The following MYL9 variants were observed in gnomAD, a reference collection of about 807,000 sequenced individuals.
The protein encoded by MYL9 is myosin light chain 9.
A neutral mutation model predicts 12.8 loss-of-function variants in MYL9; 7 were observed. That is an observed-to-expected ratio of 0.55 (90% CI 0.31 to 1.03). MYL9 has a LOEUF of 1.03. Among genes scored for constraint, MYL9 ranks in the 50% least tolerant of loss-of-function variants. MYL9 has a pLI of 0.05. For synonymous variants in MYL9, 81 were observed against 87.8 expected, an observed-to-expected ratio of 0.92 and a Z score of 0.43; for missense variants, 190 against 242.7, an observed-to-expected ratio of 0.78 and a Z score of 1.44.
At chr20:36,541,673 C>G (rs923068393) in intron 1 of MYL9, 112 bp downstream of exon 1, 3 of 152,516 alleles carry the variant, frequency 2.0e-5, no homozygotes, top group East Asian at 1.9e-4. Flanking sequence ...GCGGGCCCCA[C>G]GGACTGGGAC....
In MYL9 at chr20:36,544,852, C is replaced by CAA; in HGVS notation, c.-26-7_-26-6insAA. ...CAGGGCCACCCAACCCCCACCCCTTCCTGCAGGGAAGCCCCACCCACCAGA... is the reference window on the plus strand; with the variant it reads ...CAGGGCCACCCAACCCCCACCCCTTCAACTGCAGGGAAGCCCCACCCACCAGA... On this transcript the variant is annotated splice_region_variant and splice_polypyrimidine_tract_variant and intron_variant, in intron 1 of 3. Coordinates refer to ENST00000279022, the MANE Select transcript of MYL9 (RefSeq NM_006097.5). The CAA allele has an allele frequency of 6.9e-7, 1 of 1,448,716 alleles. No homozygotes were observed. The highest frequency in any genetic ancestry group is 9.5e-7 in the Non-Finnish European group (1 of 1,050,694). The allele number at this position is 1,448,716 out of a possible 1,614,324, so 89.7% of individuals were successfully genotyped here.
rs1235993233 is a variant in MYL9, at chr20:36,549,358, G to A, written c.*109G>A. 3 of 1,013,454 alleles carry A rather than the reference G, an allele frequency of 3.0e-6. No individual in the cohort carries two copies. Among genetic ancestry groups the A allele is most frequent in the Non-Finnish European group, 4.3e-6 (3 of 693,914 alleles). 62.8% of individuals were successfully genotyped at this position (1,013,454 alleles called of 1,614,324 possible). ...CCCTCGCTCAGGGATCCCCCTTTGA[G>A]GGGTTAGGGTCCCAGTTCCCAGTGG... On this transcript the variant is annotated 3_prime_UTR_variant, in exon 4 of 4. Transcript: ENST00000279022.
chr20:36,545,412 G>A (rs1294431219), intron 2 of MYL9, among the ~76,000 whole-genome samples: 1 of 151,390 alleles, frequency 6.6e-6, no homozygotes, highest in Non-Finnish European at 1.5e-5. Flanking sequence ...CAGGAGAATG[G>A]CGTGAACCCG....
chr20:36,543,070 C>T (rs1235184329), intron 1 of MYL9, among the ~76,000 whole-genome samples: 1 of 152,206 alleles, frequency 6.6e-6, no homozygotes, highest in East Asian at 1.9e-4. Flanking sequence ...CCCGAGAACA[C>T]TGGACTCAGG....
At chr20:36,541,926 G>A (rs191493289) in intron 1 of MYL9, among the ~76,000 whole-genome samples, 3 of 152,202 alleles carry the variant, frequency 2.0e-5, no homozygotes, top group Non-Finnish European at 4.4e-5. Context: ...GCTGGGGAGA[G>A]GGTTGCAGTC....
rs779902106 is a variant in MYL9, at chr20:36,548,018, C to A, written c.185-14C>A. 1 of 1,595,104 alleles carries A rather than the reference C, an allele frequency of 6.3e-7. No homozygotes were observed. Among genetic ancestry groups the A allele is most frequent in the African/African-American group, 1.3e-5 (1 of 74,514 alleles). Reference sequence around the variant, plus strand: ...GGCCCAGGACCACAGGCTGGAACACCCCACCTGCCACAGGGAAGAACCCCA... The same window carrying A: ...GGCCCAGGACCACAGGCTGGAACACACCACCTGCCACAGGGAAGAACCCCA... On this transcript the variant is annotated splice_polypyrimidine_tract_variant and intron_variant, in intron 2 of 3. Coordinates refer to ENST00000279022, the MANE Select transcript of MYL9 (RefSeq NM_006097.5).
At chr20:36,541,862 G>A (rs1370171803) in intron 1 of MYL9, among the ~76,000 whole-genome samples, 1 of 152,204 alleles carries the variant, frequency 6.6e-6, no homozygotes, top group South Asian at 2.1e-4. Flanking sequence ...CTGAGGAGCT[G>A]GAGATGCCAA....
At position 36,548,094 on chromosome 20, in the gene MYL9, T is replaced by C. The variant is rs1231571275; in HGVS notation, c.247T>C (p.Phe83Leu). The C allele has an allele frequency of 6.2e-7, 1 of 1,613,800 alleles. No individual in the cohort carries two copies. Among genetic ancestry groups the C allele is most frequent in the Non-Finnish European group, 8.5e-7 (1 of 1,179,894 alleles). The change falls in exon 3 of 4, where the codon TTC (phenylalanine) becomes CTC (leucine). Residue 83 changes from phenylalanine to leucine, a missense_variant. Coordinates refer to ENST00000279022, the MANE Select transcript of MYL9 (RefSeq NM_006097.5). ...GAGCGAGGCCCCGGGGCCCATCAAC[T>C]TCACCATGTTCCTCACCATGTTTGG... The part of the protein sequence containing the change: ...MMSEAPGPIN[F>L]TMFLTMFGEK...
intron 1 of MYL9, among the ~76,000 whole-genome samples, chr20:36,541,989 C>A (rs1325723034): frequency 6.6e-6 from 1 of 152,072 alleles, no homozygotes. Flanking sequence ...GGAGAAACAG[C>A]CCTGTGGGAC....
chr20:36,548,139 G>T lies in MYL9; in HGVS notation c.292G>T (p.Asp98Tyr). The T allele has an allele frequency of 1.2e-6, 2 of 1,613,972 alleles. No individual in the cohort carries two copies. The highest frequency in any genetic ancestry group is 1.7e-6 in the Non-Finnish European group (2 of 1,179,886). ...TMFGEKLNGTDPEDVIRNAFA... is the reference protein window; with the variant it reads ...TMFGEKLNGTYPEDVIRNAFA... ...GTTTGGGGAGAAGCTGAACGGCACG[G>T]ACCCCGAGGATGTGATTCGCAACGC... The change falls in exon 3 of 4, where the codon GAC (aspartate) becomes TAC (tyrosine). Residue 98 changes from aspartate to tyrosine, a missense_variant. By Grantham distance (160) the Asp-to-Tyr change is radical. Transcript: ENST00000279022.
intron 3 of MYL9, 137 bp from the exon 4 acceptor site, chr20:36,548,940 C>A: frequency 1.1e-6 from 1 of 918,694 alleles, no homozygotes; most frequent in Non-Finnish European, 1.6e-6. Flanking sequence ...CCTCATTCCT[C>A]AGACTGACCA....
Position 36,544,850 on chromosome 20 carries a change from T to G in MYL9, c.-26-9T>G. The stretch of plus-strand genomic sequence containing the variant: ...CACAGGGCCACCCAACCCCCACCCC[T>G]TCCTGCAGGGAAGCCCCACCCACCA... On this transcript the variant is annotated splice_polypyrimidine_tract_variant and intron_variant, in intron 1 of 3. Coordinates refer to ENST00000279022, the MANE Select transcript of MYL9 (RefSeq NM_006097.5). 2.8e-4 allele frequency: 219 copies of G among 769,152 alleles called. No homozygotes were observed. The highest frequency in any genetic ancestry group is 4.1e-4 in the Non-Finnish European group (193 of 474,112). The allele number at this position is 769,152 out of a possible 1,614,324, so 47.6% of individuals were successfully genotyped here.
At chr20:36,547,087 A>G (rs1357778690) in intron 2 of MYL9, among the ~76,000 whole-genome samples, 1 of 152,118 alleles carries the variant, frequency 6.6e-6, no homozygotes, top group Non-Finnish European at 1.5e-5. Context: ...TCCTATTTCC[A>G]AGGCCACACC....
At chr20:36,545,650 G>C (rs556873725) in intron 2 of MYL9, among the ~76,000 whole-genome samples, 1 of 151,882 alleles carries the variant, frequency 6.6e-6, no homozygotes, top group African/African-American at 2.4e-5. Context: ...GGGTCAGCTG[G>C]CCAGGCGCTG....
chr20:36,547,472 T>C (rs923007180), intron 2 of MYL9, among the ~76,000 whole-genome samples: 1 of 152,224 alleles, frequency 6.6e-6, no homozygotes, highest in South Asian at 2.1e-4. Context: ...TTGCAACTAC[T>C]GTCTTCACAA....
In MYL9 at chr20:36,549,359, G is replaced by A; in HGVS notation, c.*110G>A. 1 of 1,007,884 alleles carries A rather than the reference G, an allele frequency of 9.9e-7. No individual in the cohort carries two copies. The highest frequency in any genetic ancestry group is 1.4e-6 in the Non-Finnish European group (1 of 690,134). The allele number at this position is 1,007,884 out of a possible 1,614,324, so 62.4% of individuals were successfully genotyped here. A position where few individuals can be genotyped will look rare whatever the true frequency, so the allele number is the denominator to read the frequency against. ...CCTCGCTCAGGGATCCCCCTTTGAG[G>A]GGTTAGGGTCCCAGTTCCCAGTGGA... On this transcript the variant is annotated 3_prime_UTR_variant, in exon 4 of 4. Transcript: ENST00000279022.
At chr20:36,546,015 G>C (rs1212998345) in intron 2 of MYL9, among the ~76,000 whole-genome samples, 1 of 152,194 alleles carries the variant, frequency 6.6e-6, no homozygotes, top group Non-Finnish European at 1.5e-5. Flanking sequence ...AGGCCTAGAG[G>C]GGCGGCCAGA....
In MYL9 at chr20:36,549,123, T is replaced by C; in HGVS notation, c.393T>C (p.Gly131=). Residue 131 remains glycine (G), a synonymous_variant, in exon 4 of 4, where the codon GGT becomes GGC. Coordinates refer to ENST00000279022, the MANE Select transcript of MYL9 (RefSeq NM_006097.5). The part of the protein sequence containing the change: ...DHLRELLTTM[G]DRFTDEEVDE... ...TCCGGGAGCTGCTCACCACCATGGG[T>C]GACCGCTTCACAGATGAGGAAGTGG... is the stretch of plus-strand genomic sequence containing the variant. 2 of 1,613,590 alleles carry C rather than the reference T, an allele frequency of 1.2e-6. No individual in the cohort carries two copies. Among genetic ancestry groups the C allele is most frequent in the Non-Finnish European group, 1.7e-6 (2 of 1,179,978 alleles).
In MYL9 at chr20:36,551,154, A is replaced by G. The variant is rs528083509; in HGVS notation, c.*1905A>G. 1 of 152,474 alleles carries G rather than the reference A, an allele frequency of 6.6e-6. No individual in the cohort carries two copies. Among genetic ancestry groups the G allele is most frequent in the South Asian group, 2.1e-4 (1 of 4,802 alleles). 9.4% of individuals were successfully genotyped at this position (152,474 alleles called of 1,614,324 possible). A position where few individuals can be genotyped will look rare whatever the true frequency, so the allele number is the denominator to read the frequency against. ...GAGACGGAAGACGGAAGAGCTTCGC[A>G]CACAGGCGGGAAGAGGTCAGGACCA... On this transcript the variant is annotated 3_prime_UTR_variant, in exon 4 of 4. Transcript: ENST00000279022.
Sources: allele counts gnomAD v4.1 joint callset (sites outside exome capture counted in the v4.1 genomes callset), GRCh38; gene constraint gnomAD v4.1.1; transcripts MANE v1.5; gene names NCBI Gene and HGNC (gene_info 2026-07-23, HGNC 2026-07-21).